KITLG: variants seen among roughly 807,000 people sequenced by gnomAD.
The protein encoded by KITLG is c-Kit ligand.
A neutral mutation model predicts 34.1 loss-of-function variants in KITLG; 13 were observed. The ratio of observed to expected loss-of-function variants is 0.38; its 90% CI spans 0.25 to 0.61. KITLG has a LOEUF of 0.61. KITLG is among the 20% of genes least tolerant of loss of function. The pLI is 0.60. For missense variants in KITLG, 292 were observed against 318.9 expected (o/e 0.92, Z 0.64); for synonymous variants, 110 against 104.0 (o/e 1.06, Z -0.35).
At chr12:88,516,262 T>A in intron 5 of KITLG, 72 bp downstream of exon 5, 1 of 1,285,120 alleles carries the variant, frequency 7.8e-7, no homozygotes, top group Non-Finnish European at 1.1e-6. Context: ...AACACAGAGG[T>A]AGATTCTTAC....
At chr12:88,523,382 C>T (rs1183294367) in intron 3 of KITLG, among the ~76,000 whole-genome samples, 2 of 152,182 alleles carry the variant, frequency 1.3e-5, no homozygotes, top group African/African-American at 2.4e-5. Flanking sequence ...TCATTTTGTT[C>T]TAGTAGCCAT....
intron 6 of KITLG, among the ~76,000 whole-genome samples, chr12:88,512,203 AATACATTAAACAATTAACTGGAC>A (rs1197409585): frequency 1.3e-5 from 2 of 152,134 alleles, no homozygotes; most frequent in African/African-American, 4.8e-5. Context: ...AGAAATATGA[AATACATTAAACAATTAACTGGAC>A]ATTCTAGAAC....
chr12:88,499,798 A>G (rs1868782210), intron 9 of KITLG, among the ~76,000 whole-genome samples: 1 of 152,166 alleles, frequency 6.6e-6, no homozygotes, highest in Non-Finnish European at 1.5e-5. Context: ...AATGTCTTCA[A>G]ATGGTCTATG....
intron 9 of KITLG, among the ~76,000 whole-genome samples, chr12:88,503,414 G>T (rs551016591): frequency 6.6e-6 from 1 of 152,270 alleles, no homozygotes; most frequent in East Asian, 1.9e-4. Context: ...GACTATCTAG[G>T]TAATAAAGAG....
At position 88,574,299 on chromosome 12, in the gene KITLG, A is replaced by G. The variant is rs372042610; in HGVS notation, c.15+5965T>C. On this transcript the variant is annotated intron_variant, in intron 1 of 9. Transcript: ENST00000644744. The stretch of plus-strand genomic sequence containing the variant: ...CTTCTGACTGCTAAAAGAAAAAAAA[A>G]AAAAGAAAAAAAGAAAAGGGCTACG... Among the ~76,000 whole-genome samples the G allele has an allele frequency of 3.5e-4, 53 of 151,920 alleles. 1 individual carries two copies. Among genetic ancestry groups the G allele is most frequent in the African/African-American group, 1.1e-3 (46 of 41,482 alleles).
chr12:88,556,218 CAA>C (rs5799868), intron 1 of KITLG, among the ~76,000 whole-genome samples: 8 of 124,990 alleles, frequency 6.4e-5, no homozygotes, highest in Admixed American at 7.7e-5. Flanking sequence ...AAAGAATAAG[CAA>C]AAAAAAAAAA....
intron 1 of KITLG, among the ~76,000 whole-genome samples, chr12:88,565,223 T>C (rs117195291): frequency 0.019 from 2,943 of 152,294 alleles, 41 homozygotes; most frequent in Non-Finnish European, 0.029. Context: ...ACCTATTAAC[T>C]AGCACAAATT....
chr12:88,561,551 CT>C (rs1871298960), intron 1 of KITLG, among the ~76,000 whole-genome samples: 1 of 152,200 alleles, frequency 6.6e-6, no homozygotes, highest in Admixed American at 6.5e-5. Context: ...GCCTTCTTTG[CT>C]TTCAGACTTA....
intron 1 of KITLG, among the ~76,000 whole-genome samples, chr12:88,573,775 G>A (rs957852114): frequency 6.6e-6 from 1 of 152,172 alleles, no homozygotes; most frequent in Non-Finnish European, 1.5e-5. Context: ...TTCTGCAAAG[G>A]TGAACAAGGC....
intron 2 of KITLG, among the ~76,000 whole-genome samples, chr12:88,536,533 C>T (rs1291102533): frequency 1.3e-5 from 2 of 152,136 alleles, no homozygotes; most frequent in Non-Finnish European, 2.9e-5. Flanking sequence ...GACACATTCA[C>T]ACGTATGTTT....
At chr12:88,541,387 A>T (rs1011496791) in intron 2 of KITLG, among the ~76,000 whole-genome samples, 2 of 152,192 alleles carry the variant, frequency 1.3e-5, no homozygotes, top group African/African-American at 4.8e-5. Context: ...ACCCAATAGA[A>T]AGTTAAAGAC....
intron 6 of KITLG, among the ~76,000 whole-genome samples, chr12:88,508,208 A>C (rs1869143424): frequency 6.6e-6 from 1 of 152,056 alleles, no homozygotes; most frequent in Non-Finnish European, 1.5e-5. Context: ...AAGGAGCAGA[A>C]TGATTCACGA....
At chr12:88,528,178 T>TGCG (rs1330850676) in intron 3 of KITLG, among the ~76,000 whole-genome samples, 1 of 152,216 alleles carries the variant, frequency 6.6e-6, no homozygotes, top group Non-Finnish European at 1.5e-5. Flanking sequence ...AGAGGCCATG[T>TGCG]GCGTTCCTTG....
chr12:88,580,246 C>G lies in KITLG; in HGVS notation c.15+18G>C. Reference sequence around the variant, plus strand: ...TTTTCCTGGAGAGCCTGGGAGCTCCCGGGCGCGCCCTACTCACTTGTGTCT... The same window carrying G: ...TTTTCCTGGAGAGCCTGGGAGCTCCGGGGCGCGCCCTACTCACTTGTGTCT... On this transcript the variant is annotated intron_variant, in intron 1 of 9. Transcript: ENST00000644744. 1 of 1,605,532 alleles carries G rather than the reference C, an allele frequency of 6.2e-7. No individual in the cohort carries two copies. Among genetic ancestry groups the G allele is most frequent in the Non-Finnish European group, 8.5e-7 (1 of 1,176,020 alleles).
intron 2 of KITLG, among the ~76,000 whole-genome samples, chr12:88,542,702 A>G (rs1009150035): frequency 2.6e-5 from 4 of 152,096 alleles, no homozygotes; most frequent in Non-Finnish European, 4.4e-5. Flanking sequence ...ATACTTCTAC[A>G]TAAATAACTT....
At chr12:88,545,901 A>C (rs1252135918) in intron 1 of KITLG, 36 bp from the exon 2 acceptor site, 2 of 1,232,822 alleles carry the variant, frequency 1.6e-6, no homozygotes, top group East Asian at 4.7e-5. Context: ...GGTGATCATC[A>C]GTTAAGATCT....
At chr12:88,568,604 A>C (rs1164600009) in intron 1 of KITLG, among the ~76,000 whole-genome samples, 1 of 152,166 alleles carries the variant, frequency 6.6e-6, no homozygotes, top group East Asian at 1.9e-4. Flanking sequence ...TTTAACTCTC[A>C]TTCTGTCTAA....
chr12:88,559,330 G>A (rs929451813), intron 1 of KITLG, among the ~76,000 whole-genome samples: 1 of 152,184 alleles, frequency 6.6e-6, no homozygotes, highest in Non-Finnish European at 1.5e-5. Context: ...CTGTGGGCAT[G>A]CATTTTATTG....
chr12:88,518,988 G>T, intron 3 of KITLG, 121 bp from the exon 4 acceptor site: 1 of 849,780 alleles, frequency 1.2e-6, no homozygotes, highest in Non-Finnish European at 1.9e-6. Flanking sequence ...TCAGCCTCTC[G>T]AGTAGCTCAG....
Sources: allele counts gnomAD v4.1 joint callset (sites outside exome capture counted in the v4.1 genomes callset), GRCh38; gene constraint gnomAD v4.1.1; transcripts MANE v1.5; gene names NCBI Gene and HGNC (gene_info 2026-07-23, HGNC 2026-07-21).